The following PWWP2A variants were observed in gnomAD, a reference collection of about 807,000 sequenced individuals.
The protein encoded by PWWP2A is PWWP domain containing 2A.
PWWP2A carries 18 observed loss-of-function variants against 48.5 expected under a neutral mutation model. The observed-to-expected ratio is 0.37, with a 90% CI of 0.26 to 0.55. The LOEUF (loss-of-function observed/expected upper bound fraction) is 0.55, where lower values mean the gene tolerates loss of function less well. PWWP2A is among the 20% of genes least tolerant of loss of function. PWWP2A has a pLI of 0.81. For missense variants in PWWP2A, 867 were observed against 976.4 expected (o/e 0.89, Z 1.49); for synonymous variants, 396 against 387.7 (o/e 1.02, Z -0.25).
At chr5:160,101,141 A>C (rs1248311246) in intron 1 of PWWP2A, among the ~76,000 whole-genome samples, 1 of 152,238 alleles carries the variant, frequency 6.6e-6, no homozygotes, top group African/African-American at 2.4e-5. Context: ...GCTTGAGGCC[A>C]GGAGTTCAAG....
At chr5:160,087,379 C>CAA (rs527692100), downstream of PWWP2A, among the ~76,000 whole-genome samples, 142 of 90,516 alleles carry the variant, frequency 1.6e-3, no homozygotes, top group East Asian at 0.018. Flanking sequence ...GACCCTATCT[C>CAA]AAAAAAAAAA....
At position 160,099,849 on chromosome 5, in the gene PWWP2A, A is replaced by T. The variant is rs149395657; in HGVS notation, c.585-5784T>A. On this transcript the variant is annotated intron_variant, in intron 1 of 1. Transcript: ENST00000307063. ...CCCCGCTAATTTTTGTATTTTTAGT[A>T]GAGATGGAGTTTCGCCATGTTGGCC... Among the ~76,000 whole-genome samples, 1,490 of 151,772 alleles carry T rather than the reference A, an allele frequency of 9.8e-3. 14 individuals carry two copies. Among genetic ancestry groups the T allele is most frequent in the Middle Eastern group, 0.02 (6 of 294 alleles).
chr5:160,073,004 C>CAAAAAA (rs35836307), downstream of PWWP2A, among the ~76,000 whole-genome samples: 10 of 58,858 alleles, frequency 1.7e-4, no homozygotes, highest in African/African-American at 6.0e-4. Flanking sequence ...GGCTCCGTCT[C>CAAAAAA]AAAAAAAAAA....
At chr5:160,115,721 A>C (rs1758062366) in intron 1 of PWWP2A, among the ~76,000 whole-genome samples, 1 of 151,582 alleles carries the variant, frequency 6.6e-6, no homozygotes. Flanking sequence ...AAAATTAGCC[A>C]GGCGTGGTGG....
intron 1 of PWWP2A, among the ~76,000 whole-genome samples, chr5:160,096,231 T>A (rs557266192): frequency 6.6e-6 from 1 of 152,192 alleles, no homozygotes; most frequent in African/African-American, 2.4e-5. Flanking sequence ...GCTTTTTTTT[T>A]ACCTACGGTA....
At chr5:160,051,088 T>G in the PWWP2A span, 72 of 1,539,424 alleles carry the variant, frequency 4.7e-5, no homozygotes, top group South Asian at 1.2e-4. Context: ...TTTGGTTTTT[T>G]TTTTTTTTTT....
At chr5:160,106,335 G>GA (rs1350855402) in intron 1 of PWWP2A, among the ~76,000 whole-genome samples, 2 of 152,248 alleles carry the variant, frequency 1.3e-5, no homozygotes, top group East Asian at 3.9e-4. Context: ...GTCTATCTAT[G>GA]AAATGGGGAT....
chr5:160,074,020 G>A (rs1256282206), downstream of PWWP2A, among the ~76,000 whole-genome samples: 9 of 150,560 alleles, frequency 6.0e-5, no homozygotes, highest in South Asian at 4.2e-4. Context: ...AGCCGAGATC[G>A]TGCCACTGCA....
At chr5:160,061,352 ACT>A (rs564992142), downstream of PWWP2A, among the ~76,000 whole-genome samples, 315 of 151,470 alleles carry the variant, frequency 2.1e-3, no homozygotes, top group Middle Eastern at 6.8e-3. Context: ...CCCCTTCCTG[ACT>A]CTCGTAGCAT....
At chr5:160,115,668 G>A (rs1758054345) in intron 1 of PWWP2A, among the ~76,000 whole-genome samples, 1 of 151,662 alleles carries the variant, frequency 6.6e-6, no homozygotes, top group Non-Finnish European at 1.5e-5. Context: ...ACTCCAGCCT[G>A]GGTGACAGAG....
downstream of PWWP2A, chr5:160,089,862 A>C: frequency 1.0e-6 from 1 of 985,388 alleles, no homozygotes; most frequent in Non-Finnish European, 1.2e-6. Context: ...TTCAAAGAGA[A>C]ATATAAAGTG....
At chr5:160,118,775 A>T in intron 1 of PWWP2A, 30 bp downstream of exon 1, 1 of 1,390,602 alleles carries the variant, frequency 7.2e-7, no homozygotes, top group South Asian at 1.7e-5. Context: ...GACCCAGCGG[A>T]CCGGAGGGTG....
chr5:160,058,741 A>G (rs11135090), downstream of PWWP2A, among the ~76,000 whole-genome samples: 89,773 of 152,008 alleles, frequency 0.59, 26,547 homozygotes, highest in East Asian at 0.62. Flanking sequence ...TAATAAGACT[A>G]TAAAGTCAAA....
intron 4 of PWWP2A, among the ~76,000 whole-genome samples, chr5:160,066,315 T>TTTTTTTTTTTG (rs1753607904): frequency 2.7e-5 from 4 of 147,878 alleles, no homozygotes; most frequent in African/African-American, 1.0e-4. Flanking sequence ...TTTTTTTTTT[T>TTTTTTTTTTTG]GAGGGGGGTC....
intron 3 of PWWP2A, among the ~76,000 whole-genome samples, chr5:160,079,318 C>G (rs944865610): frequency 1.3e-5 from 2 of 151,622 alleles, no homozygotes; most frequent in African/African-American, 4.9e-5. Context: ...TAGATCAAGC[C>G]CTACAAAATA....
intron 1 of PWWP2A, among the ~76,000 whole-genome samples, chr5:160,099,486 T>A (rs1261934194): frequency 1.3e-5 from 2 of 152,152 alleles, no homozygotes; most frequent in Non-Finnish European, 2.9e-5. Flanking sequence ...GTAATACTAT[T>A]CAAAAAGAAA....
the PWWP2A span, chr5:160,049,550 T>A: frequency 1.2e-6 from 2 of 1,601,438 alleles, no homozygotes; most frequent in Admixed American, 3.5e-5. Context: ...AGGGCAATAT[T>A]GAGGAGAGCA....
chr5:160,091,458 G>C lies in PWWP2A; in HGVS notation c.*924C>G. ...TGACCTGCAAACAGATACCTTAAAC[G>C]GAAATTATTTTGTTTTAATTATCAA... is the stretch of plus-strand genomic sequence containing the variant. On this transcript the variant is annotated 3_prime_UTR_variant, in exon 2 of 2. Transcript: ENST00000307063. 1 of 974,122 alleles carries C rather than the reference G, an allele frequency of 1.0e-6. No individual in the cohort carries two copies. Among genetic ancestry groups the C allele is most frequent in the Non-Finnish European group, 1.2e-6 (1 of 824,590 alleles). The allele number at this position is 974,122 out of a possible 1,614,324, so 60.3% of individuals were successfully genotyped here.
downstream of PWWP2A, among the ~76,000 whole-genome samples, chr5:160,088,777 C>G (rs1393958979): frequency 1.3e-5 from 2 of 152,080 alleles, no homozygotes; most frequent in African/African-American, 2.4e-5. Context: ...GCATGCAGCA[C>G]AAACCATAGA....
Sources: gnomAD v4.1 joint callset for allele counts (sites outside exome capture counted in the v4.1 genomes callset) on GRCh38, gnomAD v4.1.1 for gene constraint, MANE v1.5 for transcripts, NCBI Gene and HGNC (gene_info 2026-07-23, HGNC 2026-07-21) for gene names.